The following LRRFIP2 variants were observed in gnomAD, a reference collection of about 807,000 sequenced individuals.
The protein encoded by LRRFIP2 is leucine-rich repeat flightless-interacting protein 2.
In LRRFIP2, 109 loss-of-function variants were observed where a neutral mutation model predicts 125.9. That is an observed-to-expected ratio of 0.87 (90% CI 0.74 to 1.01). LRRFIP2 has a LOEUF of 1.01. LRRFIP2 is among the 50% of genes least tolerant of loss of function. LRRFIP2 has a pLI of 0.00. For missense variants in LRRFIP2, 850 were observed against 862.3 expected, an observed-to-expected ratio of 0.99 and a Z score of 0.18; for synonymous variants, 291 against 293.1, an observed-to-expected ratio of 0.99 and a Z score of 0.07.
intron 19 of LRRFIP2, 62 bp from the exon 20 acceptor site, chr3:37,075,178 A>G (rs2091853008): frequency 9.2e-7 from 1 of 1,091,236 alleles, no homozygotes. Context: ...TTGAACATAC[A>G]CAATACAACA....
intron 1 of LRRFIP2, among the ~76,000 whole-genome samples, chr3:37,161,041 G>A (rs2096325156): frequency 6.6e-6 from 1 of 151,910 alleles, no homozygotes; most frequent in African/African-American, 2.4e-5. Context: ...ATATTACCTA[G>A]CCATAAAAAC....
At chr3:37,100,368 A>T (rs745322481) in intron 15 of LRRFIP2, among the ~76,000 whole-genome samples, 15 of 143,192 alleles carry the variant, frequency 1.0e-4, no homozygotes, top group Non-Finnish European at 1.8e-4. Flanking sequence ...ATACACATAC[A>T]TACATACATG....
intron 26 of LRRFIP2, 26 bp from the exon 27 acceptor site, chr3:37,054,541 T>G: frequency 4.6e-5 from 67 of 1,451,466 alleles, no homozygotes; most frequent in Non-Finnish European, 6.1e-5. Flanking sequence ...CATAGGCCTC[T>G]AGTACTGGGC....
chr3:37,151,195 C>G (rs1020407078), intron 1 of LRRFIP2, among the ~76,000 whole-genome samples: 1 of 152,022 alleles, frequency 6.6e-6, no homozygotes, highest in African/African-American at 2.4e-5. Context: ...CCCATCTCTA[C>G]TAAAAATACA....
At position 37,111,057 on chromosome 3, in the gene LRRFIP2, G is replaced by A. The variant is rs751109500; in HGVS notation, c.447C>T (p.Leu149=). The A allele has an allele frequency of 1.4e-5, 22 of 1,613,464 alleles. No individual in the cohort carries two copies. In the South Asian group the frequency reaches 2.3e-4, roughly 17 times the overall value. The change falls in exon 9 of 28, where the codon CTC becomes CTT. Residue 149 remains leucine (L), a synonymous_variant. Coordinates refer to ENST00000336686, the MANE Select transcript of LRRFIP2 (RefSeq NM_006309.4). The part of the protein sequence containing the change: ...SDSHKDLLSG[L]YFDQRNYSSL... Reference sequence around the variant, plus strand: ...TGCTATAGTTTCTCTGGTCAAAGTAGAGGCCACTCTGCAAAAAGCAAAATT... The same window carrying A: ...TGCTATAGTTTCTCTGGTCAAAGTAAAGGCCACTCTGCAAAAAGCAAAATT...
chr3:37,148,925 T>G lies in LRRFIP2; in HGVS notation c.59A>C (p.Glu20Ala). ...GGCAATGTTACTCAAAGCTTCATCTTCTGCAGAAAATCGGTCTTTCACAGG... is the reference window on the plus strand; with the variant it reads ...GGCAATGTTACTCAAAGCTTCATCTGCTGCAGAAAATCGGTCTTTCACAGG... ...RTPVKDRFSA[E>A]DEALSNIARE... The change falls in exon 2 of 28, where the codon GAA becomes GCA. Residue 20 changes from glutamate (E) to alanine (A), a missense_variant. By Grantham distance (107) the Glu-to-Ala change is moderately radical. Coordinates refer to ENST00000336686, the MANE Select transcript of LRRFIP2 (RefSeq NM_006309.4). The G allele has an allele frequency of 6.2e-7, 1 of 1,614,142 alleles. No homozygotes were observed. The highest frequency in any genetic ancestry group is 8.5e-7 in the Non-Finnish European group (1 of 1,179,998).
At chr3:37,073,025 T>C in intron 20 of LRRFIP2, 143 bp from the exon 21 acceptor site, 2 of 575,824 alleles carry the variant, frequency 3.5e-6, no homozygotes, top group South Asian at 4.6e-5. Flanking sequence ...GCAAAATTGG[T>C]CTGCCAAAAG....
At chr3:37,124,832 G>A (rs1281188980) in intron 4 of LRRFIP2, among the ~76,000 whole-genome samples, 4 of 152,120 alleles carry the variant, frequency 2.6e-5, no homozygotes, top group Non-Finnish European at 5.9e-5. Context: ...CATTTGCCAG[G>A]TATTTCTAGA....
intron 19 of LRRFIP2, among the ~76,000 whole-genome samples, chr3:37,082,620 A>G (rs1012041298): frequency 6.6e-6 from 1 of 152,206 alleles, no homozygotes; most frequent in Non-Finnish European, 1.5e-5. Context: ...TATCCATAAT[A>G]ACATGTATCC....
Position 37,137,829 on chromosome 3 carries a change from C to T in LRRFIP2, c.91-8680G>A, listed in dbSNP as rs372792065. Among the ~76,000 whole-genome samples the T allele has an allele frequency of 7.2e-5, 11 of 152,304 alleles. No individual in the cohort carries two copies. In the East Asian group the frequency reaches 1.9e-3, roughly 27 times the overall value. Reference sequence around the variant, plus strand: ...GTCTCATTTTCCCCCAGTCAACAGGCTTTGCTTCCTTATTTTCCAGTTTCC... The same window carrying T: ...GTCTCATTTTCCCCCAGTCAACAGGTTTTGCTTCCTTATTTTCCAGTTTCC... On this transcript the variant is annotated intron_variant, in intron 2 of 27. Transcript: ENST00000336686.
At chr3:37,165,835 AAGAAAGAAAGAAAGAAAGAAAG>A (rs1393329176) in intron 1 of LRRFIP2, among the ~76,000 whole-genome samples, 4 of 150,330 alleles carry the variant, frequency 2.7e-5, no homozygotes, top group Non-Finnish European at 5.9e-5. Flanking sequence ...GAAAGAAAGA[AAGAAAGAAAGAAAGAAAGAAAG>A]AGAAAGAAAG....
At chr3:37,155,235 A>G (rs909175855) in intron 1 of LRRFIP2, among the ~76,000 whole-genome samples, 2 of 152,228 alleles carry the variant, frequency 1.3e-5, no homozygotes, top group Non-Finnish European at 2.9e-5. Context: ...CACTTAATAA[A>G]CTATAAAGCA....
intron 6 of LRRFIP2, among the ~76,000 whole-genome samples, chr3:37,116,912 T>C (rs2094816050): frequency 6.6e-6 from 1 of 152,100 alleles, no homozygotes; most frequent in African/African-American, 2.4e-5. Context: ...ATGCTTTTCT[T>C]ATATTATCCT....
intron 8 of LRRFIP2, among the ~76,000 whole-genome samples, chr3:37,112,251 G>A (rs576317466): frequency 5.3e-5 from 8 of 151,008 alleles, no homozygotes; most frequent in South Asian, 2.1e-4. Context: ...CAGGAGAATC[G>A]CTTGAACCTG....
intron 6 of LRRFIP2, among the ~76,000 whole-genome samples, chr3:37,119,597 C>G (rs2094937427): frequency 6.6e-6 from 1 of 152,082 alleles, no homozygotes; most frequent in African/African-American, 2.4e-5. Context: ...ATTTTCACAG[C>G]CTTTGAGACT....
chr3:37,090,336 C>A (rs781027288), intron 18 of LRRFIP2, among the ~76,000 whole-genome samples: 7 of 152,156 alleles, frequency 4.6e-5, no homozygotes, highest in Non-Finnish European at 7.3e-5. Context: ...TCAAGCAATT[C>A]TCCTGCCTCA....
chr3:37,156,938 T>A (rs927609670), intron 1 of LRRFIP2, among the ~76,000 whole-genome samples: 2 of 151,954 alleles, frequency 1.3e-5, no homozygotes, highest in Non-Finnish European at 2.9e-5. Flanking sequence ...AAGACCAGCC[T>A]GACCAACATG....
rs142879827 is a variant in LRRFIP2 at position 37,121,522 on chromosome 3, T to C, written c.300A>G (p.Ala100=). 2.5e-6 allele frequency: 4 copies of C among 1,613,936 alleles called. No individual in the cohort carries two copies. Among genetic ancestry groups the C allele is most frequent in the African/African-American group, 2.7e-5 (2 of 74,926 alleles). Residue 100 remains alanine (A), a synonymous_variant, in exon 6 of 28, where the codon GCA becomes GCG. Transcript: ENST00000336686. ...HHRPYLGVED[A]LSIRSVGSHR... ...GACTGCCAACACTTCGAATGGACAA[T>C]GCATCCTCAACTCCCTGATAAAAAT...
At chr3:37,148,873 G>C (rs766734592) in intron 2 of LRRFIP2, 21 bp downstream of exon 2, 7 of 1,613,802 alleles carry the variant, frequency 4.3e-6, no homozygotes, top group South Asian at 1.1e-5. Flanking sequence ...TCAGTGTTGA[G>C]AGGGGATTTA....
Sources: allele counts gnomAD v4.1 joint callset (sites outside exome capture counted in the v4.1 genomes callset), GRCh38; gene constraint gnomAD v4.1.1; transcripts MANE v1.5; gene names NCBI Gene and HGNC (gene_info 2026-07-23, HGNC 2026-07-21).